SHOX: variants seen among roughly 807,000 people sequenced by gnomAD.
SHOX encodes the protein SHOX homeobox.
SHOX carries 12 observed loss-of-function variants against 29.6 expected under a neutral mutation model. The observed-to-expected ratio is 0.41, with a 90% CI of 0.26 to 0.66. The LOEUF (loss-of-function observed/expected upper bound fraction) is 0.66. Among genes scored for constraint, SHOX ranks in the 30% least tolerant of loss-of-function variants. SHOX has a pLI of 0.35. For missense variants in SHOX, 499 were observed against 437.7 expected (o/e 1.14, Z -1.25); for synonymous variants, 214 against 200.6 (o/e 1.07, Z -0.57).
At chrX:627,710 A>C (rs2052563355), upstream of SHOX, among the ~76,000 whole-genome samples, 1 of 152,138 alleles carries the variant, frequency 6.6e-6, no homozygotes, top group Non-Finnish European at 1.5e-5. Flanking sequence ...TCATTCCTGG[A>C]GGCTCGGACA....
downstream of SHOX, among the ~76,000 whole-genome samples, chrX:652,016 G>A (rs774220899): frequency 3.3e-5 from 5 of 151,860 alleles, no homozygotes; most frequent in African/African-American, 4.8e-5. Context: ...TCCGCCTCCC[G>A]GGTTCAAGCG....
chrX:627,389 G>A (rs2052557326), upstream of SHOX, among the ~76,000 whole-genome samples: 2 of 152,124 alleles, frequency 1.3e-5, no homozygotes, highest in South Asian at 4.1e-4. Flanking sequence ...GGGAGAGAAC[G>A]TAAAAGCTCT....
chrX:634,965 C>G (rs1037549577), intron 2 of SHOX, 139 bp downstream of exon 2: 1 of 863,630 alleles, frequency 1.2e-6, no homozygotes, highest in African/African-American at 1.7e-5. Flanking sequence ...GAGGGACGGG[C>G]TGGGGTTCCT....
chrX:629,285 GTCTCTCCCTGTCTGTCTC>G (rs2052603694), upstream of SHOX, among the ~76,000 whole-genome samples: 1 of 97,576 alleles, frequency 1.0e-5, no homozygotes, highest in African/African-American at 3.9e-5. Flanking sequence ...ATCTCTCTCC[GTCTCTCCCTGTCTGTCTC>G]TTTCTCTGTC....
chrX:632,167 G>A (rs1380704322), intron 1 of SHOX, among the ~76,000 whole-genome samples: 8 of 152,372 alleles, frequency 5.3e-5, no homozygotes, highest in African/African-American at 1.9e-4. Flanking sequence ...GAGGGGCCCC[G>A]GGGAAGCTGG....
chrX:631,679 GCAC>G, intron 1 of SHOX, among the ~76,000 whole-genome samples: 1 of 152,280 alleles, frequency 6.6e-6, no homozygotes, highest in Non-Finnish European at 1.5e-5. Flanking sequence ...TTACAGGCAT[GCAC>G]CACCACGCCT....
chrX:641,699 A>G (rs2052857151), intron 4 of SHOX, among the ~76,000 whole-genome samples: 1 of 152,014 alleles, frequency 6.6e-6, no homozygotes. Flanking sequence ...AAAAAAAAAA[A>G]AAAAAAATCA....
rs1007637081 is a variant in SHOX, at chrX:646,481, G to A, written c.*1845G>A. On this transcript the variant is annotated 3_prime_UTR_variant, in exon 5 of 5. Transcript: ENST00000686671. ...TTGCATCTTTCTGGATTCAAGCTTG[G>A]TGGTTTTCTTTCCTAACTTCTGATT... The A allele has an allele frequency of 6.6e-6, 1 of 151,844 alleles. No homozygotes were observed. The highest frequency in any genetic ancestry group is 2.4e-5 in the African/African-American group (1 of 41,298). 9.4% of individuals were successfully genotyped at this position (151,844 alleles called of 1,614,324 possible).
At chrX:653,195 C>T (rs2053092735), downstream of SHOX, among the ~76,000 whole-genome samples, 2 of 152,066 alleles carry the variant, frequency 1.3e-5, no homozygotes, top group African/African-American at 4.8e-5. Context: ...GAGCCGAGAT[C>T]GCGCCATTGC....
intron 2 of SHOX, among the ~76,000 whole-genome samples, chrX:636,135 A>G (rs952343423): frequency 1.3e-5 from 2 of 149,044 alleles, no homozygotes; most frequent in Non-Finnish European, 3.0e-5. Flanking sequence ...GTGTGTCTCT[A>G]TATATAAACA....
chrX:657,732 A>G (rs1243468794), intron 5 of SHOX, among the ~76,000 whole-genome samples: 1 of 152,158 alleles, frequency 6.6e-6, no homozygotes, highest in African/African-American at 2.4e-5. Flanking sequence ...GAGTTGAACG[A>G]TTGTTGGAAA....
chrX:637,760 C>T (rs2124176210), intron 2 of SHOX, among the ~76,000 whole-genome samples: 1 of 152,290 alleles, frequency 6.6e-6, no homozygotes, highest in Admixed American at 6.5e-5. Flanking sequence ...AATCCCATCT[C>T]TCTGTGAATT....
downstream of SHOX, among the ~76,000 whole-genome samples, chrX:652,048 G>A (rs923068954): frequency 3.9e-5 from 6 of 151,922 alleles, no homozygotes; most frequent in Non-Finnish European, 7.4e-5. Context: ...TCAGCCTCCC[G>A]AGTAGCTGGG....
Position 649,526 on chromosome X carries a change from C to G in SHOX, c.*4890C>G, listed in dbSNP as rs112216228. Among the ~76,000 whole-genome samples, 1 of 152,098 alleles carries G rather than the reference C, an allele frequency of 6.6e-6. No homozygotes were observed. The highest frequency in any genetic ancestry group is 1.5e-5 in the Non-Finnish European group (1 of 68,008). ...AATTTATGGGGTGGGTGTACGCTGGCGATTCTTGGTGCTTTTTGCTCAAAA... is the reference window on the plus strand; with the variant it reads ...AATTTATGGGGTGGGTGTACGCTGGGGATTCTTGGTGCTTTTTGCTCAAAA... On this transcript the variant is annotated 3_prime_UTR_variant, in exon 5 of 5. Coordinates refer to ENST00000686671, the MANE Select transcript of SHOX (RefSeq NM_000451.4).
At chrX:651,594 T>TAAAAA (rs754859715), downstream of SHOX, 28 of 163,910 alleles carry the variant, frequency 1.7e-4, no homozygotes, top group African/African-American at 2.3e-4. Flanking sequence ...ATTCAAGTGT[T>TAAAAA]AAAAAAAAAA....
downstream of SHOX, among the ~76,000 whole-genome samples, chrX:654,157 G>T (rs1185154505): frequency 6.6e-6 from 1 of 151,910 alleles, no homozygotes; most frequent in African/African-American, 2.4e-5. Context: ...AAAAATACAG[G>T]CTGGGCTCGG....
chrX:640,899 G>T lies in SHOX; in HGVS notation c.544+21G>T, dbSNP rs749938493. 3.7e-6 allele frequency: 6 copies of T among 1,613,728 alleles called. No individual in the cohort carries two copies. In the East Asian group the frequency reaches 1.1e-4, roughly 30 times the overall value. On this transcript the variant is annotated intron_variant, in intron 3 of 4. Transcript: ENST00000686671. The stretch of plus-strand genomic sequence containing the variant: ...TAAAGGTGGGTGTCGGGACTGGGGG[G>T]ACCTGAAGCTGGGGGATCCTGCTCC...
intron 1 of SHOX, among the ~76,000 whole-genome samples, chrX:634,072 C>T (rs1286808163): frequency 1.3e-5 from 2 of 152,214 alleles, no homozygotes; most frequent in African/African-American, 4.8e-5. Flanking sequence ...CATTCAGGTA[C>T]TCAGACGCGG....
Position 651,248 on chromosome X carries a change from G to A in SHOX, c.*6612G>A, listed in dbSNP as rs1168884449. Reference sequence around the variant, plus strand: ...TTCCCTCCCCCATTGACGACATAGCGGCCCCCGCGTCCGGGTTACAAATAC... The same window carrying A: ...TTCCCTCCCCCATTGACGACATAGCAGCCCCCGCGTCCGGGTTACAAATAC... On this transcript the variant is annotated 3_prime_UTR_variant, in exon 5 of 5. Coordinates refer to ENST00000686671, the MANE Select transcript of SHOX (RefSeq NM_000451.4). The A allele has an allele frequency of 1.6e-5, 7 of 451,540 alleles. No individual in the cohort carries two copies. Among genetic ancestry groups the A allele is most frequent in the South Asian group, 4.7e-5 (3 of 63,464 alleles). 28.0% of individuals were successfully genotyped at this position (451,540 alleles called of 1,614,324 possible).
Sources: gnomAD v4.1 joint callset for allele counts (sites outside exome capture counted in the v4.1 genomes callset) on GRCh38, gnomAD v4.1.1 for gene constraint, MANE v1.5 for transcripts, NCBI Gene and HGNC (gene_info 2026-07-23, HGNC 2026-07-21) for gene names.